The following TAF1 variants were observed in gnomAD, a reference collection of about 807,000 sequenced individuals.
The protein encoded by TAF1 is TATA-box binding protein associated factor 1.
In TAF1, 2 loss-of-function variants were observed where a neutral mutation model predicts 138.5. The observed-to-expected ratio is 0.01, with a 90% CI of 0.01 to 0.05. The LOEUF (loss-of-function observed/expected upper bound fraction) is 0.05. Among genes scored for constraint, TAF1 ranks in the 10% least tolerant of loss-of-function variants. TAF1 has a pLI of 1.00. For synonymous variants in TAF1, 437 were observed against 503.2 expected, an observed-to-expected ratio of 0.87 and a Z score of 1.76; for missense variants, 709 against 1,478.0, an observed-to-expected ratio of 0.48 and a Z score of 8.53.
At chrX:71,527,424 A>G (rs756491140) in intron 13 of TAF1, among the ~76,000 whole-genome samples, 1 of 110,178 alleles carries the variant, frequency 9.1e-6, no homozygotes, top group East Asian at 2.8e-4. Flanking sequence ...AATTTCATTC[A>G]ACTTTACTTT....
At chrX:71,471,373 A>G (rs1298544660) in intron 13 of TAF1, among the ~76,000 whole-genome samples, 1 of 106,266 alleles carries the variant, frequency 9.4e-6, no homozygotes, top group African/African-American at 3.4e-5. Flanking sequence ...ACACACACAC[A>G]TGAATGGAAC....
chrX:71,519,032 C>T (rs1242630131), intron 13 of TAF1, among the ~76,000 whole-genome samples: 2 of 108,324 alleles, frequency 1.8e-5, no homozygotes, highest in East Asian at 5.9e-4. Context: ...AAGAATTTTT[C>T]ATTACCCTGG....
chrX:71,434,351 T>G (rs1017593457), intron 32 of TAF1, among the ~76,000 whole-genome samples: 4 of 112,730 alleles, frequency 3.5e-5, no homozygotes, highest in Middle Eastern at 9.1e-3. Context: ...GTATTAAAGT[T>G]AATCTAAATT....
intron 12 of TAF1, among the ~76,000 whole-genome samples, 167 bp from the exon 13 acceptor site, chrX:71,383,774 AACCCATACATGGATATGGAGG>A (rs1193462853): frequency 8.9e-6 from 1 of 112,465 alleles, no homozygotes; most frequent in African/African-American, 3.2e-5. Context: ...ACGGATGCAG[AACCCATACATGGATATGGAGG>A]GCCGACTGTA....
intron 29 of TAF1, among the ~76,000 whole-genome samples, chrX:71,422,322 AT>A (rs757749745): frequency 0.038 from 3,540 of 94,339 alleles, 134 homozygotes; most frequent in African/African-American, 0.11. Context: ...TTTTACTGGA[AT>A]TTTTTTTTTT....
At chrX:71,371,890 T>C (rs2033085783) in intron 3 of TAF1, among the ~76,000 whole-genome samples, 1 of 112,261 alleles carries the variant, frequency 8.9e-6, no homozygotes, top group South Asian at 3.6e-4. Context: ...TATCACATGA[T>C]GTAAAAGCAC....
intron 28 of TAF1, chrX:71,420,258 C>G: frequency 3.1e-6 from 3 of 953,965 alleles, no homozygotes; most frequent in Non-Finnish European, 4.5e-6. Context: ...TCTGTTGGTT[C>G]ATTTTGGGAT....
At chrX:71,368,936 C>T (rs1238971936) in intron 3 of TAF1, 2 of 100,794 alleles carry the variant, frequency 2.0e-5, no homozygotes, top group Non-Finnish European at 4.1e-5. Flanking sequence ...CTGCAATCTC[C>T]ACCTCCCGGT....
At chrX:71,411,865 C>T (rs1013868874) in intron 28 of TAF1, among the ~76,000 whole-genome samples, 5 of 112,080 alleles carry the variant, frequency 4.5e-5, no homozygotes, top group African/African-American at 1.6e-4. Flanking sequence ...TCAAGCGATT[C>T]TCCTGCCTCA....
chrX:71,391,541 T>A (rs113585187), intron 18 of TAF1, among the ~76,000 whole-genome samples: 5 of 110,375 alleles, frequency 4.5e-5, no homozygotes, highest in South Asian at 3.8e-4. Context: ...CAATTTTTTT[T>A]AAATTAAAAA....
chrX:71,452,459 G>A (rs1175390396), intron 32 of TAF1, among the ~76,000 whole-genome samples: 1 of 109,630 alleles, frequency 9.1e-6, no homozygotes, highest in Non-Finnish European at 1.9e-5. Flanking sequence ...CATCTCAGAC[G>A]ATGGGCGGCT....
Position 71,464,307 on chromosome X carries a change from GTCC to G in TAF1, c.*266_*268del. On this transcript the variant is annotated 3_prime_UTR_variant, in exon 38 of 38. Transcript: ENST00000423759. ...GAAAAGAGCAAGCTCATTTTTCCGT[GTCC>G]TCCTTTATTTAACTCCATTTATTGC... 2.5e-6 allele frequency: 1 copy of G among 393,344 alleles called. No homozygotes were observed. Among genetic ancestry groups the G allele is most frequent in the Non-Finnish European group, 4.4e-6 (1 of 229,552 alleles). 32.4% of individuals were successfully genotyped at this position (393,344 alleles called of 1,213,427 possible).
chrX:71,513,826 G>A (rs749086520), intron 13 of TAF1, among the ~76,000 whole-genome samples: 1 of 111,485 alleles, frequency 9.0e-6, no homozygotes, highest in East Asian at 2.8e-4. Context: ...CTTCTATCTA[G>A]CTAAAGGATT....
intron 23 of TAF1, among the ~76,000 whole-genome samples, chrX:71,398,170 T>A (rs1270216297): frequency 9.0e-6 from 1 of 110,503 alleles, no homozygotes. Flanking sequence ...AAACCCTGTC[T>A]CTACTGAAAG....
intron 3 of TAF1, among the ~76,000 whole-genome samples, chrX:71,371,170 C>T (rs911067862): frequency 1.8e-5 from 2 of 111,666 alleles, no homozygotes; most frequent in Non-Finnish European, 3.8e-5. Context: ...GAGCTAACTT[C>T]CTATAAAAGG....
intron 20 of TAF1, 65 bp from the exon 21 acceptor site, chrX:71,393,222 ATTTGTGTGTGTGTG>A: frequency 2.0e-6 from 2 of 1,000,813 alleles, no homozygotes; most frequent in Non-Finnish European, 2.6e-6. Flanking sequence ...TCCCTGAATG[ATTTGTGTGTGTGTG>A]TGTGTGTGTG....
chrX:71,422,758 A>T (rs2036414905), intron 29 of TAF1, among the ~76,000 whole-genome samples: 1 of 110,261 alleles, frequency 9.1e-6, no homozygotes, highest in Admixed American at 9.6e-5. Context: ...ATTTTTTTTG[A>T]GATAGAGCTT....
intron 1 of TAF1, 26 bp downstream of exon 1, chrX:71,366,520 G>GGGGTGGGC: frequency 2.4e-6 from 1 of 417,684 alleles, no homozygotes; most frequent in Admixed American, 5.2e-5. Context: ...TGGGGGTAGG[G>GGGGTGGGC]CTCGGGGGGT....
chrX:71,456,787 T>A (rs1009271970), intron 34 of TAF1, among the ~76,000 whole-genome samples: 2 of 103,390 alleles, frequency 1.9e-5, no homozygotes, highest in African/African-American at 7.1e-5. Context: ...GTGATTCTCC[T>A]GCCTCAGCCT....
Sources: allele counts gnomAD v4.1 joint callset (sites outside exome capture counted in the v4.1 genomes callset), GRCh38; gene constraint gnomAD v4.1.1; transcripts MANE v1.5; gene names NCBI Gene and HGNC (gene_info 2026-07-23, HGNC 2026-07-21).